The following BPGM variants were observed in gnomAD, a reference collection of about 807,000 sequenced individuals.
The protein encoded by BPGM is 2,3-bisphosphoglycerate mutase, erythrocyte.
BPGM carries 15 observed loss-of-function variants against 21.6 expected under a neutral mutation model. That is an observed-to-expected ratio of 0.70 (90% CI 0.47 to 1.07). The LOEUF is 1.07. BPGM is among the 50% of genes least tolerant of loss of function. BPGM has a pLI of 0.00. For synonymous variants in BPGM, 113 were observed against 116.2 expected (o/e 0.97, Z 0.18); for missense variants, 273 against 319.0 (o/e 0.86, Z 1.10).
intron 1 of BPGM, among the ~76,000 whole-genome samples, chr7:134,656,278 A>G (rs1226411481): frequency 3.3e-5 from 5 of 152,350 alleles, no homozygotes; most frequent in Admixed American, 6.5e-5. Flanking sequence ...ACATGTGGCT[A>G]TGGAGCACTT....
At position 134,661,797 on chromosome 7, in the gene BPGM, G is replaced by C. The variant is rs768397590; in HGVS notation, c.290G>C (p.Gly97Ala). 6.2e-7 allele frequency: 1 copy of C among 1,613,852 alleles called. No individual in the cohort carries two copies. Among genetic ancestry groups the C allele is most frequent in the Non-Finnish European group, 8.5e-7 (1 of 1,179,892 alleles). The change falls in exon 2 of 3, where the codon GGT (glycine) becomes GCT (alanine). Residue 97 changes from glycine to alanine, a missense_variant. Physicochemically the swap from Gly to Ala is moderately conservative, Grantham distance 60 (BLOSUM62 0). Coordinates refer to ENST00000344924, the MANE Select transcript of BPGM (RefSeq NM_001724.5). This position sits in a 1 kb window ranked among gnomAD's most constrained non-coding sequence, Gnocchi z 4.6. ...LNERHYGALI[G>A]LNREQMALNH... ...GAGCGTCACTATGGGGCCTTGATCG[G>C]TCTCAACAGGGAGCAGATGGCTTTG...
At chr7:134,674,377 G>A (rs1325984715) in intron 2 of BPGM, among the ~76,000 whole-genome samples, 1 of 152,088 alleles carries the variant, frequency 6.6e-6, no homozygotes, top group African/African-American at 2.4e-5. Context: ...GAAACCCAGT[G>A]CCCCTTAGCT....
intron 1 of BPGM, among the ~76,000 whole-genome samples, chr7:134,650,270 C>G (rs1364126472): frequency 3.9e-5 from 6 of 152,202 alleles, no homozygotes; most frequent in Admixed American, 3.9e-4. Flanking sequence ...AGTGGTGATG[C>G]CATGCAGGCT....
Position 134,661,873 on chromosome 7 carries a change from C to A in BPGM, c.366C>A (p.Thr122=). 1 of 1,607,818 alleles carries A rather than the reference C, an allele frequency of 6.2e-7. No homozygotes were observed. Residue 122 remains threonine, a synonymous_variant, in exon 2 of 3, where the codon ACC becomes ACA. Transcript: ENST00000344924. This position sits in a 1 kb window ranked among gnomAD's most constrained non-coding sequence, Gnocchi z 4.6. ...VRLWRRSYNV[T]PPPIEESHPY... Reference sequence around the variant, plus strand: ...TCTGGAGAAGAAGCTACAATGTAACCCCGCCTCCCATTGAGGAGTCTCATC... The same window carrying A: ...TCTGGAGAAGAAGCTACAATGTAACACCGCCTCCCATTGAGGAGTCTCATC...
chr7:134,662,211 C>A, intron 2 of BPGM, 103 bp downstream of exon 2: 1 of 1,443,210 alleles, frequency 6.9e-7, no homozygotes, highest in East Asian at 2.3e-5. Flanking sequence ...ATAGACTCCT[C>A]TATCCCCCTT....
intron 1 of BPGM, among the ~76,000 whole-genome samples, chr7:134,650,577 T>C (rs1016775110): frequency 6.6e-6 from 1 of 152,208 alleles, no homozygotes. Context: ...ACAGTTGTGT[T>C]TGAACTTCTA....
At chr7:134,650,525 A>G (rs1289845271) in intron 1 of BPGM, among the ~76,000 whole-genome samples, 1 of 152,228 alleles carries the variant, frequency 6.6e-6, no homozygotes, top group Non-Finnish European at 1.5e-5. Flanking sequence ...AAGTTTCTAC[A>G]AAGCCTTAGG....
At chr7:134,654,898 G>A (rs1351254866) in intron 1 of BPGM, among the ~76,000 whole-genome samples, 9 of 152,170 alleles carry the variant, frequency 5.9e-5, no homozygotes, top group Admixed American at 5.9e-4. Context: ...AGAAGGGAAG[G>A]TAAATGGACA....
intron 1 of BPGM, among the ~76,000 whole-genome samples, chr7:134,647,574 A>C (rs1795480831): frequency 6.6e-6 from 1 of 152,210 alleles, no homozygotes; most frequent in Non-Finnish European, 1.5e-5. Context: ...TTCACAGTTA[A>C]GCTTTAAAGA....
At chr7:134,650,206 A>G (rs976612546) in intron 1 of BPGM, among the ~76,000 whole-genome samples, 6 of 152,214 alleles carry the variant, frequency 3.9e-5, no homozygotes, top group Admixed American at 3.9e-4. Flanking sequence ...ACCCTGGGGA[A>G]GACAATGACC....
intron 1 of BPGM, among the ~76,000 whole-genome samples, chr7:134,648,198 C>T (rs1294196910): frequency 6.7e-6 from 1 of 149,316 alleles, no homozygotes; most frequent in African/African-American, 2.5e-5. Flanking sequence ...TGCAATGGCG[C>T]GATATTGGCT....
At chr7:134,665,658 A>AAAAAAAAAAAAAG (rs1795809032) in intron 2 of BPGM, among the ~76,000 whole-genome samples, 1 of 145,986 alleles carries the variant, frequency 6.8e-6, no homozygotes, top group African/African-American at 2.6e-5. Flanking sequence ...TGAAAAAAAA[A>AAAAAAAAAAAAAG]AAAAAAAAAA....
intron 1 of BPGM, among the ~76,000 whole-genome samples, chr7:134,659,372 CGTGTGTGTGTGTGTGTGT>C (rs66893203): frequency 0.024 from 3,540 of 145,380 alleles, 146 homozygotes; most frequent in African/African-American, 0.084. Context: ...CACACCCCTC[CGTGTGTGTGTGTGTGTGT>C]GTGTGTGTGT....
At position 134,661,982 on chromosome 7, in the gene BPGM, A is replaced by G; in HGVS notation, c.475A>G (p.Lys159Glu). The G allele has an allele frequency of 1.2e-6, 2 of 1,614,190 alleles. No individual in the cohort carries two copies. The highest frequency in any genetic ancestry group is 1.7e-6 in the Non-Finnish European group (2 of 1,180,024). ...LDQLPRSESL[K>E]DVLERLLPYW... is the part of the protein sequence containing the mutation. ...TCAACTGCCACGGTCGGAAAGCTTA[A>G]AGGATGTTCTGGAGAGACTCCTTCC... is the stretch of plus-strand genomic sequence containing the variant. Residue 159 changes from lysine (K) to glutamate (E), a missense_variant, in exon 2 of 3, where the codon AAG becomes GAG. Lys to Glu is a moderately conservative substitution (Grantham distance 56). Transcript: ENST00000344924. This position sits in a 1 kb window ranked among gnomAD's most constrained non-coding sequence, Gnocchi z 4.6.
intron 1 of BPGM, among the ~76,000 whole-genome samples, chr7:134,659,072 C>T (rs1450534752): frequency 1.3e-5 from 2 of 152,200 alleles, no homozygotes; most frequent in East Asian, 1.9e-4. Context: ...CTTCTGTCTA[C>T]AAAATTTGTC....
At chr7:134,666,167 T>C (rs1795818062) in intron 2 of BPGM, among the ~76,000 whole-genome samples, 1 of 152,174 alleles carries the variant, frequency 6.6e-6, no homozygotes, top group South Asian at 2.1e-4. Flanking sequence ...CATGAGCCAC[T>C]GCGCACCTGG....
chr7:134,647,986 C>T (rs950608012), intron 1 of BPGM, among the ~76,000 whole-genome samples: 7 of 151,518 alleles, frequency 4.6e-5, no homozygotes, highest in African/African-American at 1.5e-4. Flanking sequence ...TTAGTAGAGA[C>T]GGGGTTTCAC....
chr7:134,650,883 C>A (rs1280438384), intron 1 of BPGM, among the ~76,000 whole-genome samples: 2 of 152,206 alleles, frequency 1.3e-5, no homozygotes, highest in Non-Finnish European at 1.5e-5. Flanking sequence ...CGAGATCACG[C>A]CACTGCACTC....
At chr7:134,663,275 A>G (rs1175066277) in intron 2 of BPGM, among the ~76,000 whole-genome samples, 1 of 152,242 alleles carries the variant, frequency 6.6e-6, no homozygotes, top group African/African-American at 2.4e-5. Flanking sequence ...CTAAATCATT[A>G]CTTGTATAGC....
Sources: allele counts gnomAD v4.1 joint callset (sites outside exome capture counted in the v4.1 genomes callset), GRCh38; gene constraint gnomAD v4.1.1; non-coding constraint Gnocchi (gnomAD v3.1); transcripts MANE v1.5; gene names NCBI Gene and HGNC (gene_info 2026-07-23, HGNC 2026-07-21).